The following CRB1 variants were observed in gnomAD, a reference collection of about 807,000 sequenced individuals.
CRB1 encodes the protein crumbs cell polarity complex component 1, also known as protein crumbs homolog 1.
CRB1 carries 83 observed loss-of-function variants against 120.0 expected under a neutral mutation model. The ratio of observed to expected loss-of-function variants is 0.69; its 90% CI spans 0.58 to 0.83. CRB1 has a LOEUF of 0.83. CRB1 is among the 40% of genes least tolerant of loss of function. CRB1 has a pLI of 0.00. For synonymous variants in CRB1, 625 were observed against 612.5 expected, an observed-to-expected ratio of 1.02 and a Z score of -0.30; for missense variants, 1,699 against 1,687.6, an observed-to-expected ratio of 1.01 and a Z score of -0.12.
intron 1 of CRB1, among the ~76,000 whole-genome samples, chr1:197,307,777 C>T (rs1657258052): frequency 6.6e-6 from 1 of 152,190 alleles, no homozygotes; most frequent in Non-Finnish European, 1.5e-5. Flanking sequence ...CCCCAAGGCT[C>T]ACAGCAGGCT....
intron 1 of CRB1, among the ~76,000 whole-genome samples, chr1:197,327,642 T>C (rs1008141916): frequency 2.0e-5 from 3 of 152,226 alleles, no homozygotes; most frequent in African/African-American, 7.2e-5. Context: ...AACTTTATTT[T>C]AGCACTAGAA....
chr1:197,244,387 G>C, the CRB1 span, among the ~76,000 whole-genome samples: 1 of 151,764 alleles, frequency 6.6e-6, no homozygotes, highest in Non-Finnish European at 1.5e-5. Flanking sequence ...TTTTTCCTTA[G>C]AATGTCTTGG....
At chr1:197,449,514 C>T (rs957079066) in intron 11 of CRB1, among the ~76,000 whole-genome samples, 3 of 152,016 alleles carry the variant, frequency 2.0e-5, no homozygotes, top group African/African-American at 7.2e-5. Context: ...TTACAGGCGC[C>T]GGCCACCACG....
At chr1:197,420,166 A>G (rs1664227137) in intron 5 of CRB1, among the ~76,000 whole-genome samples, 1 of 152,166 alleles carries the variant, frequency 6.6e-6, no homozygotes, top group African/African-American at 2.4e-5. Flanking sequence ...TTGAATGAAG[A>G]TGTTGGGGAA....
At chr1:197,368,766 C>T (rs528231132) in intron 5 of CRB1, among the ~76,000 whole-genome samples, 1 of 152,164 alleles carries the variant, frequency 6.6e-6, no homozygotes, top group Non-Finnish European at 1.5e-5. Context: ...AATCAGCAGA[C>T]AGGTGCCAAC....
At chr1:197,473,205 T>C (rs560782152) in intron 11 of CRB1, among the ~76,000 whole-genome samples, 8 of 152,284 alleles carry the variant, frequency 5.3e-5, no homozygotes, top group African/African-American at 1.9e-4. Context: ...AGTATCGAAA[T>C]TGGATTCAAA....
chr1:197,364,044 GCGAAAGA>G, intron 5 of CRB1: 1 of 1,373,656 alleles, frequency 7.3e-7, no homozygotes. Flanking sequence ...ACTTCTTGAT[GCGAAAGA>G]ATCAGGCAGA....
intron 6 of CRB1, among the ~76,000 whole-genome samples, chr1:197,425,495 G>T (rs143670222): frequency 2.5e-4 from 38 of 152,224 alleles, no homozygotes; most frequent in Non-Finnish European, 3.8e-4. Context: ...GCTGAAATAT[G>T]CTCTTTTTTT....
upstream of CRB1, among the ~76,000 whole-genome samples, chr1:197,266,791 C>T (rs1654649746): frequency 6.6e-6 from 1 of 151,902 alleles, no homozygotes; most frequent in East Asian, 1.9e-4. Flanking sequence ...TTAAAGACAC[C>T]CTAACAGAAG....
intron 1 of CRB1, among the ~76,000 whole-genome samples, chr1:197,319,432 C>CAAAAAAAA (rs10646084): frequency 1.0e-3 from 27 of 27,074 alleles, no homozygotes; most frequent in South Asian, 3.5e-3. Flanking sequence ...GACTCCATCT[C>CAAAAAAAA]AAAAAAAAAA....
At chr1:197,252,574 A>ATGTGTG in the CRB1 span, among the ~76,000 whole-genome samples, 4 of 41,820 alleles carry the variant, frequency 9.6e-5, no homozygotes, top group African/African-American at 2.8e-4. Flanking sequence ...ATATATATAT[A>ATGTGTG]TATATATATG....
chr1:197,450,617 A>C (rs139952631), intron 11 of CRB1, among the ~76,000 whole-genome samples: 1 of 151,902 alleles, frequency 6.6e-6, no homozygotes, highest in South Asian at 2.1e-4. Flanking sequence ...TTATCATGAG[A>C]ATGGAAAAAT....
At chr1:197,365,735 A>C (rs575978714) in intron 5 of CRB1, among the ~76,000 whole-genome samples, 1 of 151,460 alleles carries the variant, frequency 6.6e-6, no homozygotes, top group East Asian at 1.9e-4. Flanking sequence ...GGAAAGAAAG[A>C]GCCAACCTCG....
chr1:197,349,871 C>T (rs1053615410), intron 4 of CRB1, among the ~76,000 whole-genome samples: 1 of 151,790 alleles, frequency 6.6e-6, no homozygotes, highest in Non-Finnish European at 1.5e-5. Flanking sequence ...GAGGCCGAGG[C>T]GGGTGGATCA....
At chr1:197,378,603 T>A (rs185357956) in intron 5 of CRB1, among the ~76,000 whole-genome samples, 6 of 152,304 alleles carry the variant, frequency 3.9e-5, no homozygotes, top group Admixed American at 2.0e-4. Context: ...TGTTTTTCAC[T>A]CCTCTCATGG....
At chr1:197,455,758 A>G (rs1317372278) in intron 11 of CRB1, among the ~76,000 whole-genome samples, 1 of 152,132 alleles carries the variant, frequency 6.6e-6, no homozygotes, top group African/African-American at 2.4e-5. Context: ...TTATATGTGT[A>G]TAATTTTCCT....
chr1:197,433,619 G>A (rs1571553324), intron 8 of CRB1, among the ~76,000 whole-genome samples: 1 of 152,224 alleles, frequency 6.6e-6, no homozygotes, highest in African/African-American at 2.4e-5. Flanking sequence ...CAGCAGGATT[G>A]GGGGATGTCA....
At chr1:197,456,212 G>C (rs1044502983) in intron 11 of CRB1, among the ~76,000 whole-genome samples, 3 of 152,058 alleles carry the variant, frequency 2.0e-5, no homozygotes, top group African/African-American at 7.2e-5. Flanking sequence ...TACTCTAGTT[G>C]ATACCTAGAA....
intron 1 of CRB1, among the ~76,000 whole-genome samples, chr1:197,275,105 C>T (rs796786648): frequency 5.3e-5 from 8 of 152,138 alleles, no homozygotes; most frequent in African/African-American, 1.9e-4. Context: ...CTGCTACTAT[C>T]ACATGATATT....
Sources: allele counts gnomAD v4.1 joint callset (sites outside exome capture counted in the v4.1 genomes callset), GRCh38; gene constraint gnomAD v4.1.1; transcripts MANE v1.5; gene names NCBI Gene and HGNC (gene_info 2026-07-23, HGNC 2026-07-21).